Variants in PIWIL3 observed in about 807,000 individuals in gnomAD.
The protein encoded by PIWIL3 is piwi like RNA-mediated gene silencing 3, also known as piwi-like protein 3.
PIWIL3 carries 101 observed loss-of-function variants against 109.7 expected under a neutral mutation model. That is an observed-to-expected ratio of 0.92 (90% CI 0.78 to 1.09). The LOEUF (loss-of-function observed/expected upper bound fraction) is 1.09. PIWIL3 is among the 50% of genes least tolerant of loss of function. The probability of loss-of-function intolerance (pLI) is 0.00; values close to 1 mark genes in which losing one functional copy is unlikely to be tolerated. For missense variants in PIWIL3, 1,031 were observed against 1,072.6 expected (o/e 0.96, Z 0.54); for synonymous variants, 373 against 376.4 (o/e 0.99, Z 0.10).
At chr22:24,741,188 A>G (rs1347633789) in intron 12 of PIWIL3, among the ~76,000 whole-genome samples, 1 of 152,216 alleles carries the variant, frequency 6.6e-6, no homozygotes, top group Non-Finnish European at 1.5e-5. Flanking sequence ...ATGCAGAAAA[A>G]GCATTTGATA....
chr22:24,758,272 T>C (rs1482396540), intron 3 of PIWIL3, among the ~76,000 whole-genome samples: 2 of 152,224 alleles, frequency 1.3e-5, no homozygotes, highest in African/African-American at 4.8e-5. Context: ...CTGCTACATA[T>C]GTGCCCCATT....
Position 24,719,285 on chromosome 22 carries a change from C to A in PIWIL3, c.*187G>T, listed in dbSNP as rs547511003. The stretch of plus-strand genomic sequence containing the variant: ...AGCCAAACCCTGTCAGTTCTCCTCT[C>A]TGGAAAAATCAGTCTGTGGTAGTAT... On this transcript the variant is annotated 3_prime_UTR_variant, in exon 21 of 21. Transcript: ENST00000616349. 16 of 336,804 alleles carry A rather than the reference C, an allele frequency of 4.8e-5. No individual in the cohort carries two copies. Among genetic ancestry groups the A allele is most frequent in the African/African-American group, 3.2e-4 (15 of 46,906 alleles). The allele number at this position is 336,804 out of a possible 1,614,324, so 20.9% of individuals were successfully genotyped here.
intron 12 of PIWIL3, 49 bp from the exon 13 acceptor site, chr22:24,735,941 A>ACTTATCTGAGATCCTG (rs1923631811): frequency 6.9e-7 from 1 of 1,440,468 alleles, no homozygotes; most frequent in Non-Finnish European, 9.4e-7. Flanking sequence ...TTAAAGATCA[A>ACTTATCTGAGATCCTG]CTTATCTGAG....
At chr22:24,752,693 TCAAACGAGGCCA>T (rs963902989) in intron 8 of PIWIL3, among the ~76,000 whole-genome samples, 3 of 152,112 alleles carry the variant, frequency 2.0e-5, no homozygotes, top group African/African-American at 7.2e-5. Context: ...ATATATTTCC[TCAAACGAGGCCA>T]CTTCAGTAAT....
intron 1 of PIWIL3, among the ~76,000 whole-genome samples, chr22:24,764,034 C>G (rs1164905189): frequency 6.6e-6 from 1 of 150,542 alleles, no homozygotes; most frequent in East Asian, 1.9e-4. Flanking sequence ...GGGCACACAG[C>G]CCCACGCCCC....
At chr22:24,731,508 G>A (rs1426557655) in intron 14 of PIWIL3, among the ~76,000 whole-genome samples, 3 of 151,964 alleles carry the variant, frequency 2.0e-5, no homozygotes, top group Admixed American at 6.5e-5. Flanking sequence ...AAAATTAGCC[G>A]GGCATGGTGG....
intron 14 of PIWIL3, 61 bp downstream of exon 14, chr22:24,734,023 C>T (rs1362230335): frequency 2.0e-6 from 3 of 1,525,866 alleles, no homozygotes; most frequent in East Asian, 4.7e-5. Flanking sequence ...TTCTAAAATA[C>T]TTATCAAGAT....
intron 12 of PIWIL3, among the ~76,000 whole-genome samples, chr22:24,747,504 A>G (rs1243289202): frequency 6.6e-6 from 1 of 152,190 alleles, no homozygotes; most frequent in Non-Finnish European, 1.5e-5. Flanking sequence ...GAAACAAAGT[A>G]GAGCAACAAC....
chr22:24,734,130 G>C lies in PIWIL3; in HGVS notation c.1661C>G (p.Ser554Cys). The change falls in exon 14 of 21, where the codon TCC (serine) becomes TGC (cysteine). Residue 554 changes from serine to cysteine, a missense_variant. Ser to Cys is a moderately radical substitution (Grantham distance 112, BLOSUM62 -1). Transcript: ENST00000616349. The part of the protein sequence containing the change: ...EMIEVDGDAN[S>C]YIDTLRKYTR... Reference sequence around the variant, plus strand: ...ATATTTCCGTAATGTGTCTATATAGGAGTTAGCATCACCATCTACTTCAAT... The same window carrying C: ...ATATTTCCGTAATGTGTCTATATAGCAGTTAGCATCACCATCTACTTCAAT... The C allele has an allele frequency of 6.2e-7, 1 of 1,612,614 alleles. No individual in the cohort carries two copies. The highest frequency in any genetic ancestry group is 1.7e-5 in the Admixed American group (1 of 59,838).
intron 14 of PIWIL3, among the ~76,000 whole-genome samples, chr22:24,730,085 G>A (rs1020537403): frequency 7.2e-5 from 11 of 152,006 alleles, no homozygotes; most frequent in African/African-American, 2.2e-4. Flanking sequence ...CAGCATCACC[G>A]GCTGGGCGCA....
In PIWIL3 at chr22:24,728,207, C is replaced by G. The variant is rs912469495; in HGVS notation, c.1875G>C (p.Met625Ile). 1 of 1,614,236 alleles carries G rather than the reference C, an allele frequency of 6.2e-7. No individual in the cohort carries two copies. Among genetic ancestry groups the G allele is most frequent in the Admixed American group, 1.7e-5 (1 of 60,028 alleles). Residue 625 changes from methionine (M) to isoleucine (I), a missense_variant, in exon 15 of 21, where the codon ATG becomes ATC. Coordinates refer to ENST00000616349, the MANE Select transcript of PIWIL3 (RefSeq NM_001255975.1). ...TCTCCACCTTCCAGAGGGCTCCTCCCATCTTGCAATTCATCTGCTGGGCAA... is the reference window on the plus strand; with the variant it reads ...TCTCCACCTTCCAGAGGGCTCCTCCGATCTTGCAATTCATCTGCTGGGCAA... Reference protein sequence around the residue: ...TKIAQQMNCKMGGALWKVETD... With the variant: ...TKIAQQMNCKIGGALWKVETD...
intron 8 of PIWIL3, among the ~76,000 whole-genome samples, chr22:24,752,538 C>T (rs1924772689): frequency 6.6e-6 from 1 of 152,152 alleles, no homozygotes; most frequent in South Asian, 2.1e-4. Flanking sequence ...CAACTGCATC[C>T]CTCTGCAAAG....
chr22:24,730,100 C>A (rs1448963951), intron 14 of PIWIL3, among the ~76,000 whole-genome samples: 1 of 152,114 alleles, frequency 6.6e-6, no homozygotes, highest in Non-Finnish European at 1.5e-5. Context: ...GGCGCAGAGG[C>A]TTACGCCTGT....
At chr22:24,743,122 A>G (rs1052234352) in intron 12 of PIWIL3, among the ~76,000 whole-genome samples, 6 of 152,140 alleles carry the variant, frequency 3.9e-5, no homozygotes, top group African/African-American at 1.4e-4. Flanking sequence ...CAACATGAAA[A>G]CATGTTCTAA....
At position 24,760,780 on chromosome 22, in the gene PIWIL3, CAAAAAAA is replaced by C. The variant is rs61469163; in HGVS notation, c.103-798_103-792del. ...GGGCAACAAGAGCGAAACTCTGTCT[CAAAAAAA>C]AAAAAAAAAAAAAAAAGCTGTGACA... On this transcript the variant is annotated intron_variant, in intron 2 of 20. Coordinates refer to ENST00000616349, the MANE Select transcript of PIWIL3 (RefSeq NM_001255975.1). 5.3e-3 allele frequency among the ~76,000 whole-genome samples: 217 copies of C among 41,018 alleles called. 8 individuals are homozygous for C. Among genetic ancestry groups the C allele is most frequent in the African/African-American group, 0.019 (203 of 10,642 alleles). 26.9% of individuals were successfully genotyped at this position (41,018 alleles called of 152,430 possible). A position where few individuals can be genotyped will look rare whatever the true frequency, so the allele number is the denominator to read the frequency against.
At chr22:24,757,659 T>TACAC (rs57298578) in intron 4 of PIWIL3, among the ~76,000 whole-genome samples, 1,273 of 109,778 alleles carry the variant, frequency 0.012, 15 homozygotes, top group Non-Finnish European at 0.016. Context: ...ATGTATATAT[T>TACAC]ACACACACAC....
chr22:24,730,654 G>A (rs549009042), intron 14 of PIWIL3, among the ~76,000 whole-genome samples: 3 of 152,118 alleles, frequency 2.0e-5, no homozygotes, highest in Non-Finnish European at 2.9e-5. Flanking sequence ...CTGTAAGTCT[G>A]AAATTACACT....
chr22:24,765,621 A>C (rs1158020907), intron 1 of PIWIL3, among the ~76,000 whole-genome samples: 1 of 152,172 alleles, frequency 6.6e-6, no homozygotes, highest in Non-Finnish European at 1.5e-5. Flanking sequence ...TAATGAAATA[A>C]TCAGTGACTG....
intron 1 of PIWIL3, among the ~76,000 whole-genome samples, chr22:24,766,103 G>A (rs887005828): frequency 1.8e-4 from 27 of 151,284 alleles, no homozygotes; most frequent in African/African-American, 6.1e-4. Flanking sequence ...CTCCCACTTC[G>A]GCCTCCAGAG....
Sources: allele counts gnomAD v4.1 joint callset (sites outside exome capture counted in the v4.1 genomes callset), GRCh38; gene constraint gnomAD v4.1.1; transcripts MANE v1.5; gene names NCBI Gene and HGNC (gene_info 2026-07-23, HGNC 2026-07-21).